RPH3A: variants seen among roughly 807,000 people sequenced by gnomAD.
The protein encoded by RPH3A is rabphilin 3A.
A neutral mutation model predicts 102.2 loss-of-function variants in RPH3A; 48 were observed. That is an observed-to-expected ratio of 0.47 (90% CI 0.37 to 0.60). RPH3A has a LOEUF of 0.60. Among genes scored for constraint, RPH3A ranks in the 20% least tolerant of loss-of-function variants. The probability of loss-of-function intolerance (pLI) is 0.00; values close to 1 mark genes in which losing one functional copy is unlikely to be tolerated. For synonymous variants in RPH3A, 310 were observed against 324.3 expected (o/e 0.96, Z 0.47); for missense variants, 781 against 910.1 (o/e 0.86, Z 1.83).
chr12:112,839,966 G>A (rs1718752056), intron 4 of RPH3A, among the ~76,000 whole-genome samples: 1 of 152,102 alleles, frequency 6.6e-6, no homozygotes, highest in Admixed American at 6.5e-5. Context: ...TCCAGCCTGG[G>A]CAACCGAGTG....
intron 1 of RPH3A, among the ~76,000 whole-genome samples, chr12:112,716,294 G>T (rs909019604): frequency 6.6e-6 from 1 of 152,158 alleles, no homozygotes. Context: ...CTCTACACAA[G>T]ATGGAGTCAC....
intron 1 of RPH3A, among the ~76,000 whole-genome samples, chr12:112,770,879 A>G (rs1393524120): frequency 2.0e-5 from 3 of 151,986 alleles, no homozygotes; most frequent in Admixed American, 6.6e-5. Flanking sequence ...GAAGTACATT[A>G]TTTTCAGTGA....
At chr12:112,605,055 T>G (rs2039585511) in intron 1 of RPH3A, among the ~76,000 whole-genome samples, 2 of 152,170 alleles carry the variant, frequency 1.3e-5, no homozygotes, top group African/African-American at 2.4e-5. Flanking sequence ...GTGGGGAGTA[T>G]CAAATAATCT....
At chr12:112,820,019 G>A (rs912807596) in intron 2 of RPH3A, among the ~76,000 whole-genome samples, 1 of 152,200 alleles carries the variant, frequency 6.6e-6, no homozygotes, top group Admixed American at 6.5e-5. Context: ...AGCTGAAAAG[G>A]ACAAGGATAC....
intron 2 of RPH3A, among the ~76,000 whole-genome samples, chr12:112,824,850 C>A (rs1248328260): frequency 6.6e-6 from 1 of 152,146 alleles, no homozygotes; most frequent in Non-Finnish European, 1.5e-5. Flanking sequence ...AGAGTGCGAG[C>A]AGGCCAGATT....
At chr12:112,605,641 T>G (rs1007848960) in intron 1 of RPH3A, among the ~76,000 whole-genome samples, 5 of 152,236 alleles carry the variant, frequency 3.3e-5, no homozygotes, top group Non-Finnish European at 7.3e-5. Flanking sequence ...CCTTTTTATT[T>G]AGAGTTCCTC....
chr12:112,801,418 G>T (rs1243067967), intron 2 of RPH3A, among the ~76,000 whole-genome samples: 1 of 152,194 alleles, frequency 6.6e-6, no homozygotes, highest in Non-Finnish European at 1.5e-5. Flanking sequence ...CCTTGGAAGG[G>T]TTTATCTGAC....
intron 13 of RPH3A, among the ~76,000 whole-genome samples, chr12:112,878,708 G>A (rs1360985350): frequency 5.9e-5 from 9 of 152,256 alleles, no homozygotes. Flanking sequence ...TGCCAACCAT[G>A]TAAGGATCTA....
At chr12:112,725,815 A>G (rs916109754) in intron 1 of RPH3A, among the ~76,000 whole-genome samples, 1 of 143,310 alleles carries the variant, frequency 7.0e-6, no homozygotes, top group Non-Finnish European at 1.5e-5. Context: ...GTTGTTTTTG[A>G]GACGGAGTCT....
chr12:112,796,437 A>C (rs2041231156), intron 2 of RPH3A, among the ~76,000 whole-genome samples: 1 of 152,206 alleles, frequency 6.6e-6, no homozygotes, highest in Non-Finnish European at 1.5e-5. Flanking sequence ...CCGGGTCAGC[A>C]CCCAGCAGGT....
At chr12:112,659,945 C>T (rs912250603) in intron 1 of RPH3A, among the ~76,000 whole-genome samples, 2 of 152,144 alleles carry the variant, frequency 1.3e-5, no homozygotes, top group South Asian at 2.1e-4. Flanking sequence ...CTCCAAAAAG[C>T]CCTGTCTCTT....
At chr12:112,730,579 C>T (rs368492929) in intron 1 of RPH3A, among the ~76,000 whole-genome samples, 91 of 152,310 alleles carry the variant, frequency 6.0e-4, no homozygotes, top group African/African-American at 2.0e-3. Flanking sequence ...CATCTCTCTC[C>T]GCCCAATCCT....
intron 16 of RPH3A, among the ~76,000 whole-genome samples, chr12:112,883,680 A>C (rs1789782203): frequency 6.6e-6 from 1 of 152,034 alleles, no homozygotes; most frequent in Admixed American, 6.6e-5. Flanking sequence ...TGTGTATGTA[A>C]AAGTTTTTTC....
At position 112,744,050 on chromosome 12, in the gene RPH3A, G is replaced by A. The variant is rs190205484; in HGVS notation, c.-139-48093G>A. Among the ~76,000 whole-genome samples, 177 of 152,234 alleles carry A rather than the reference G, an allele frequency of 1.2e-3. 2 individuals carry two copies. The East Asian group carries it at 0.018, about 15-fold the overall frequency. On this transcript the variant is annotated intron_variant, in intron 1 of 21. Transcript: ENST00000543106. Reference sequence around the variant, plus strand: ...TGAACTTGGCAAGCCACTTGACCTTGACTGTTCCAGGCTTCAGTTTTCTTT... The same window carrying A: ...TGAACTTGGCAAGCCACTTGACCTTAACTGTTCCAGGCTTCAGTTTTCTTT...
Position 112,828,212 on chromosome 12 carries a change from C to T in RPH3A, c.-18-89C>T, listed in dbSNP as rs1488762012. 14 of 860,844 alleles carry T rather than the reference C, an allele frequency of 1.6e-5. No homozygotes were observed. The East Asian group carries it at 3.3e-4, about 20-fold the overall frequency. The allele number at this position is 860,844 out of a possible 1,614,324, so 53.3% of individuals were successfully genotyped here. ...ATTTAGTTCTCTGTCTTCTCTATCCCACTGGGTGTGTGGCATAAAGCAGGG... is the reference window on the plus strand; with the variant it reads ...ATTTAGTTCTCTGTCTTCTCTATCCTACTGGGTGTGTGGCATAAAGCAGGG... On this transcript the variant is annotated intron_variant, in intron 2 of 21. Transcript: ENST00000389385.
intron 1 of RPH3A, among the ~76,000 whole-genome samples, chr12:112,640,447 C>T (rs1453315002): frequency 6.6e-6 from 1 of 150,706 alleles, no homozygotes; most frequent in Non-Finnish European, 1.5e-5. Context: ...ATTAATGATC[C>T]CTCCTTTCAC....
chr12:112,796,911 G>A (rs1224403471), intron 2 of RPH3A, among the ~76,000 whole-genome samples: 2 of 152,150 alleles, frequency 1.3e-5, no homozygotes, highest in Non-Finnish European at 2.9e-5. Flanking sequence ...TTAGCTTGGT[G>A]TGGTGGTGTG....
chr12:112,879,166 A>G lies in RPH3A; in HGVS notation c.1219A>G (p.Ser407Gly), dbSNP rs201512087. Residue 407 changes from serine to glycine, a missense_variant, in exon 14 of 22, where the codon AGC becomes GGC. Physicochemically the swap from Ser to Gly is moderately conservative, Grantham distance 56. This residue lies in a region of RPH3A where 730 missense variants were observed against 810.0 expected (regional missense o/e 0.90). Transcript: ENST00000389385. ...CAGCCTTCTCTACGACCAGGACAAC[A>G]GCTCCCTGCAGTGCACCATCATTAA... ...EFSLLYDQDN[S>G]SLQCTIIKAK... The G allele has an allele frequency of 3.7e-6, 6 of 1,614,042 alleles. No individual in the cohort carries two copies. Among genetic ancestry groups the G allele is most frequent in the Admixed American group, 1.7e-5 (1 of 60,010 alleles).
rs1048616866 is a variant in RPH3A, at chr12:112,797,800, C to G, written c.-19+5537C>G. ...CTTGAACTCCTGGGCTCAAGCGATCCTCTTGTCTCAGCCTGCCAAGTAGCT... is the reference window on the plus strand; with the variant it reads ...CTTGAACTCCTGGGCTCAAGCGATCGTCTTGTCTCAGCCTGCCAAGTAGCT... On this transcript the variant is annotated intron_variant, in intron 2 of 21. Transcript: ENST00000389385. Among the ~76,000 whole-genome samples, 4 of 152,166 alleles carry G rather than the reference C, an allele frequency of 2.6e-5. No individual in the cohort carries two copies. In the South Asian group the frequency reaches 8.3e-4, roughly 32 times the overall value.
Sources: allele counts gnomAD v4.1 joint callset (sites outside exome capture counted in the v4.1 genomes callset), GRCh38; gene constraint gnomAD v4.1.1; regional missense constraint gnomAD v4.1.1; transcripts MANE v1.5; gene names NCBI Gene and HGNC (gene_info 2026-07-23, HGNC 2026-07-21).